Variants in NAALADL2 observed in about 807,000 individuals in gnomAD.
NAALADL2 encodes N-acetylated alpha-linked acidic dipeptidase like 2, also known as inactive N-acetylated-alpha-linked acidic dipeptidase-like protein 2.
A neutral mutation model predicts 87.2 loss-of-function variants in NAALADL2; 76 were observed. That is an observed-to-expected ratio of 0.87 (90% CI 0.72 to 1.05). The LOEUF is 1.05. NAALADL2 is among the 50% of genes least tolerant of loss of function. NAALADL2 has a pLI of 0.00. For synonymous variants in NAALADL2, 354 were observed against 331.0 expected (o/e 1.07, Z -0.75); for missense variants, 1,089 against 945.8 (o/e 1.15, Z -1.99).
At chr3:174,859,483 T>C in intron 1 of NAALADL2, 33 bp downstream of exon 1, 1 of 1,578,732 alleles carries the variant, frequency 6.3e-7, no homozygotes, top group Non-Finnish European at 8.7e-7. Context: ...CTTTTCACTT[T>C]TCACAATCAG....
chr3:174,848,881 A>G (rs898102033), intron 3 of NAALADL2, among the ~76,000 whole-genome samples: 1 of 152,224 alleles, frequency 6.6e-6, no homozygotes, highest in African/African-American at 2.4e-5. Flanking sequence ...AGTATAGCTT[A>G]CTGAACATCT....
chr3:175,521,743 G>T (rs1732691443), intron 9 of NAALADL2, among the ~76,000 whole-genome samples: 2 of 152,138 alleles, frequency 1.3e-5, no homozygotes, highest in Non-Finnish European at 2.9e-5. Flanking sequence ...GCCAAGGATT[G>T]CAGGCATCCA....
In NAALADL2 at chr3:175,693,398, G is replaced by T. The variant is rs143320921; in HGVS notation, c.1897-43908G>T. On this transcript the variant is annotated intron_variant, in intron 11 of 13. Transcript: ENST00000454872. ...GATACACAAGCTGGAGTAACCCAAT[G>T]CACTCAGGCAAACAAAGACAGTCCT... 3.0e-3 allele frequency among the ~76,000 whole-genome samples: 462 copies of T among 152,270 alleles called. 1 individual carries two copies. Among genetic ancestry groups the T allele is most frequent in the African/African-American group, 0.01 (435 of 41,550 alleles).
intron 10 of NAALADL2, among the ~76,000 whole-genome samples, chr3:175,591,883 T>C (rs77897566): frequency 0.042 from 6,325 of 150,670 alleles, 464 homozygotes; most frequent in African/African-American, 0.15. Flanking sequence ...CAACATTATG[T>C]AATACAGATA....
rs1224067866 is a variant in NAALADL2, at chr3:175,012,317, A to AC, written c.44-84471dup. ...GTAGGTGGGATTACAGGTATATGCC[A>AC]CCAGGCCTGGCTAATATTTTTTTTA... On this transcript the variant is annotated intron_variant, in intron 1 of 13. Coordinates refer to ENST00000454872, the MANE Select transcript of NAALADL2 (RefSeq NM_207015.3). Among the ~76,000 whole-genome samples the AC allele has an allele frequency of 2.7e-5, 4 of 150,764 alleles. No individual in the cohort carries two copies. The East Asian group carries it at 7.9e-4, about 30-fold the overall frequency.
Position 175,016,646 on chromosome 3 carries a change from A to G in NAALADL2, c.44-80144A>G, listed in dbSNP as rs985414904. On this transcript the variant is annotated intron_variant, in intron 1 of 13. Coordinates refer to ENST00000454872, the MANE Select transcript of NAALADL2 (RefSeq NM_207015.3). ...AAATAAGAGAAGTAGAATTTTTAGT[A>G]TTATTAAGCCATGCATTTTTAATAT... Among the ~76,000 whole-genome samples the G allele has an allele frequency of 2.0e-5, 3 of 151,916 alleles. No homozygotes were observed. The East Asian group carries it at 5.8e-4, about 29-fold the overall frequency.
chr3:175,286,443 G>A (rs1174984424), intron 4 of NAALADL2, among the ~76,000 whole-genome samples: 1 of 152,192 alleles, frequency 6.6e-6, no homozygotes, highest in Non-Finnish European at 1.5e-5. Flanking sequence ...CATTTACCCA[G>A]AAAGTGAGAA....
At chr3:175,572,434 T>C (rs547820983) in intron 9 of NAALADL2, among the ~76,000 whole-genome samples, 1 of 151,494 alleles carries the variant, frequency 6.6e-6, no homozygotes, top group South Asian at 2.1e-4. Context: ...AAAGTTTTTA[T>C]ATGGCAGAGG....
intron 1 of NAALADL2, among the ~76,000 whole-genome samples, chr3:175,026,469 ACCCCGTCT>A (rs1314187461): frequency 7.7e-5 from 11 of 142,584 alleles, no homozygotes; most frequent in African/African-American, 2.7e-4. Flanking sequence ...GCATGGTGAA[ACCCCGTCT>A]CTACTAAAAA....
chr3:175,627,462 A>G, intron 11 of NAALADL2, 76 bp downstream of exon 11: 1 of 930,508 alleles, frequency 1.1e-6, no homozygotes, highest in East Asian at 2.7e-5. Context: ...AAAGGAACAT[A>G]ACCAATCAAG....
intron 1 of NAALADL2, among the ~76,000 whole-genome samples, chr3:174,544,726 A>C (rs1322880138): frequency 6.6e-6 from 1 of 151,160 alleles, no homozygotes; most frequent in African/African-American, 2.4e-5. Flanking sequence ...ACGCGTCACC[A>C]CACCCAGCTA....
chr3:175,372,113 C>T (rs1001761514), intron 5 of NAALADL2, among the ~76,000 whole-genome samples: 1 of 152,134 alleles, frequency 6.6e-6, no homozygotes, highest in Non-Finnish European at 1.5e-5. Flanking sequence ...TTTTCCACTG[C>T]TTCCTAGGCA....
At chr3:174,474,904 A>G (rs1424496950) in intron 1 of NAALADL2, among the ~76,000 whole-genome samples, 1 of 152,114 alleles carries the variant, frequency 6.6e-6, no homozygotes, top group Non-Finnish European at 1.5e-5. Context: ...GAGTGTTAAC[A>G]GGCAAATTCT....
At chr3:175,052,294 GGT>G (rs1293048017) in intron 1 of NAALADL2, among the ~76,000 whole-genome samples, 1 of 152,158 alleles carries the variant, frequency 6.6e-6, no homozygotes, top group Non-Finnish European at 1.5e-5. Flanking sequence ...CTTCCAGGTG[GGT>G]GTCATGGCCA....
At chr3:175,134,177 T>C (rs1365962977) in intron 2 of NAALADL2, among the ~76,000 whole-genome samples, 1 of 152,206 alleles carries the variant, frequency 6.6e-6, no homozygotes, top group East Asian at 1.9e-4. Context: ...TTTCTTCTCA[T>C]TGTGTCTTGT....
At position 174,593,128 on chromosome 3, in the gene NAALADL2, A is replaced by G. The variant is rs146194148; in HGVS notation, c.-115+42491A>G. On this transcript the variant is annotated intron_variant, in intron 2 of 3. Coordinates refer to the NAALADL2 transcript ENST00000434257. ...CAGAATTGTCAAATATATTCTTTAC[A>G]TCTTGGATGGTAGCTAATTATAATA... Among the ~76,000 whole-genome samples, 827 of 152,236 alleles carry G rather than the reference A, an allele frequency of 5.4e-3. 12 individuals are homozygous for G. Among genetic ancestry groups the G allele is most frequent in the African/African-American group, 0.018 (745 of 41,566 alleles).
chr3:174,795,593 T>G (rs145354883), intron 3 of NAALADL2, among the ~76,000 whole-genome samples: 2 of 152,320 alleles, frequency 1.3e-5, no homozygotes, highest in East Asian at 3.9e-4. Context: ...ATTCTATGTT[T>G]AATATTTAAG....
At chr3:175,549,094 T>G (rs1350109511) in intron 9 of NAALADL2, among the ~76,000 whole-genome samples, 1 of 152,058 alleles carries the variant, frequency 6.6e-6, no homozygotes, top group Non-Finnish European at 1.5e-5. Context: ...TATAGTATAG[T>G]TGAAAGTGAC....
chr3:175,702,921 A>G (rs1739182634), intron 11 of NAALADL2, among the ~76,000 whole-genome samples: 1 of 152,134 alleles, frequency 6.6e-6, no homozygotes, highest in African/African-American at 2.4e-5. Flanking sequence ...GAAAAGAAAA[A>G]AAAAAGGAGA....
Sources: gnomAD v4.1 joint callset for allele counts (sites outside exome capture counted in the v4.1 genomes callset) on GRCh38, gnomAD v4.1.1 for gene constraint, MANE v1.5 for transcripts, NCBI Gene and HGNC (gene_info 2026-07-23, HGNC 2026-07-21) for gene names.